ATP8B4: variants seen among roughly 807,000 people sequenced by gnomAD.
ATP8B4 encodes the protein ATPase phospholipid transporting 8B4 (putative), also known as probable phospholipid-transporting ATPase IM.
In ATP8B4, 133 loss-of-function variants were observed where a neutral mutation model predicts 145.6. That is an observed-to-expected ratio of 0.91 (90% CI 0.79 to 1.05). The LOEUF (loss-of-function observed/expected upper bound fraction) is 1.05. Among genes scored for constraint, ATP8B4 ranks in the 50% least tolerant of loss-of-function variants. The pLI is 0.00. For synonymous variants in ATP8B4, 507 were observed against 492.9 expected, an observed-to-expected ratio of 1.03 and a Z score of -0.38; for missense variants, 1,458 against 1,425.2, an observed-to-expected ratio of 1.02 and a Z score of -0.37.
chr15:50,076,064 G>T (rs2054150053), intron 2 of ATP8B4, among the ~76,000 whole-genome samples: 1 of 152,148 alleles, frequency 6.6e-6, no homozygotes, highest in Admixed American at 6.5e-5. Flanking sequence ...GCTTTAGCTT[G>T]TTTCATATAC....
chr15:49,957,916 A>G (rs1271081799), intron 14 of ATP8B4, among the ~76,000 whole-genome samples: 1 of 151,898 alleles, frequency 6.6e-6, no homozygotes, highest in Non-Finnish European at 1.5e-5. Context: ...ATAGAGCTAA[A>G]TTATACATAG....
At chr15:50,141,038 C>T (rs1309285309) in intron 1 of ATP8B4, among the ~76,000 whole-genome samples, 1 of 152,136 alleles carries the variant, frequency 6.6e-6, no homozygotes, top group Admixed American at 6.5e-5. Context: ...GAGATCCCCA[C>T]CCCAATATCT....
intron 14 of ATP8B4, among the ~76,000 whole-genome samples, chr15:49,943,980 T>G (rs1276737446): frequency 1.3e-5 from 2 of 152,200 alleles, no homozygotes; most frequent in Non-Finnish European, 2.9e-5. Context: ...TTTTTGTATG[T>G]GATTTAACTT....
chr15:49,934,841 A>C (rs552296262), intron 14 of ATP8B4, among the ~76,000 whole-genome samples: 1 of 152,200 alleles, frequency 6.6e-6, no homozygotes, highest in East Asian at 1.9e-4. Flanking sequence ...GAACACTTAC[A>C]TATAAGAGCT....
At chr15:49,948,357 G>A (rs1008335850) in intron 14 of ATP8B4, among the ~76,000 whole-genome samples, 4 of 152,106 alleles carry the variant, frequency 2.6e-5, no homozygotes, top group East Asian at 1.9e-4. Context: ...GCTGAGGCAG[G>A]AGAATTGTTT....
intron 1 of ATP8B4, among the ~76,000 whole-genome samples, chr15:50,138,428 TAGAC>T (rs59384120): frequency 0.19 from 24,526 of 129,584 alleles, 2,189 homozygotes; most frequent in African/African-American, 0.25. Context: ...GATAGAGAGA[TAGAC>T]AGACAGATGA....
At chr15:50,079,275 T>C (rs574490970) in intron 2 of ATP8B4, among the ~76,000 whole-genome samples, 5 of 152,288 alleles carry the variant, frequency 3.3e-5, no homozygotes, top group Admixed American at 3.3e-4. Context: ...GAAAAATACT[T>C]GTTTAAATGT....
chr15:50,172,295 G>A (rs989103799), intron 1 of ATP8B4, among the ~76,000 whole-genome samples: 28 of 152,334 alleles, frequency 1.8e-4, no homozygotes, highest in Middle Eastern at 3.4e-3. Flanking sequence ...GGCGTGCGCC[G>A]CCACGCCTGA....
intron 6 of ATP8B4, among the ~76,000 whole-genome samples, chr15:50,018,093 T>G (rs1409857810): frequency 6.6e-6 from 1 of 151,676 alleles, no homozygotes; most frequent in East Asian, 2.0e-4. Context: ...GTTCAAACTA[T>G]TCTCATGCCT....
intron 14 of ATP8B4, among the ~76,000 whole-genome samples, chr15:49,946,828 C>T (rs893849305): frequency 6.6e-6 from 1 of 152,156 alleles, no homozygotes; most frequent in Non-Finnish European, 1.5e-5. Flanking sequence ...GGGAAGAACA[C>T]AAGGCCTAGC....
chr15:50,085,894 A>G (rs1348365778), intron 2 of ATP8B4, among the ~76,000 whole-genome samples: 1 of 85,478 alleles, frequency 1.2e-5, no homozygotes, highest in East Asian at 3.2e-4. Flanking sequence ...TTTATATATG[A>G]TATATATCAT....
chr15:49,869,904 G>C (rs927273396), intron 25 of ATP8B4, among the ~76,000 whole-genome samples: 41 of 152,108 alleles, frequency 2.7e-4, no homozygotes, highest in African/African-American at 9.9e-4. Flanking sequence ...CAATATTTAT[G>C]AAAATTTTAA....
chr15:49,971,437 A>C (rs1040514206), intron 13 of ATP8B4, among the ~76,000 whole-genome samples: 14 of 151,918 alleles, frequency 9.2e-5, no homozygotes, highest in African/African-American at 3.4e-4. Flanking sequence ...AAAAACAAAC[A>C]ACCCCATCAA....
intron 25 of ATP8B4, among the ~76,000 whole-genome samples, chr15:49,867,881 AAATT>A (rs1165220792): frequency 1.3e-5 from 2 of 152,358 alleles, no homozygotes; most frequent in African/African-American, 4.8e-5. Context: ...GAATAGAACT[AAATT>A]AATATTCTGG....
intron 20 of ATP8B4, among the ~76,000 whole-genome samples, chr15:49,910,577 T>C (rs545736123): frequency 6.6e-6 from 1 of 152,252 alleles, no homozygotes; most frequent in South Asian, 2.1e-4. Flanking sequence ...ATGACAATGA[T>C]AAAATTCTAA....
chr15:50,081,365 G>A (rs190411303), intron 2 of ATP8B4, among the ~76,000 whole-genome samples: 2 of 152,054 alleles, frequency 1.3e-5, no homozygotes, highest in African/African-American at 4.8e-5. Flanking sequence ...ATAGTAAATG[G>A]GCAAAAAAGG....
chr15:50,078,759 A>G (rs1362359185), intron 2 of ATP8B4, among the ~76,000 whole-genome samples: 2 of 152,150 alleles, frequency 1.3e-5, no homozygotes, highest in Admixed American at 1.3e-4. Flanking sequence ...AACTTCCAAA[A>G]GAAAAAAAAA....
At chr15:50,129,540 G>A (rs1360401422) in intron 1 of ATP8B4, among the ~76,000 whole-genome samples, 1 of 152,050 alleles carries the variant, frequency 6.6e-6, no homozygotes, top group African/African-American at 2.4e-5. Flanking sequence ...CTCTTATCAG[G>A]ACATGATTAG....
chr15:50,180,397 G>C (rs2140886546), intron 1 of ATP8B4, among the ~76,000 whole-genome samples: 1 of 152,272 alleles, frequency 6.6e-6, no homozygotes, highest in East Asian at 1.9e-4. Flanking sequence ...CTTAGCCCCG[G>C]ACTCTCCAGT....
Sources: allele counts gnomAD v4.1 joint callset (sites outside exome capture counted in the v4.1 genomes callset), GRCh38; gene constraint gnomAD v4.1.1; transcripts MANE v1.5; gene names NCBI Gene and HGNC (gene_info 2026-07-23, HGNC 2026-07-21).